The following CDIN1 variants were observed in gnomAD, a reference collection of about 807,000 sequenced individuals.
CDIN1 encodes CDAN1 interacting nuclease 1, also known as CDAN1-interacting nuclease 1.
Under a neutral mutation model 45.3 loss-of-function variants are expected in CDIN1, and 33 were observed. The ratio of observed to expected loss-of-function variants is 0.73; its 90% CI spans 0.55 to 0.97. The LOEUF is 0.97. Ranked by LOEUF, CDIN1 falls within the 50% of genes least tolerant of loss-of-function variation. CDIN1 has a pLI of 0.00. For synonymous variants in CDIN1, 118 were observed against 124.4 expected (o/e 0.95, Z 0.34); for missense variants, 303 against 339.4 (o/e 0.89, Z 0.84).
intron 1 of CDIN1, among the ~76,000 whole-genome samples, chr15:36,611,456 C>T (rs1454173754): frequency 6.6e-6 from 1 of 152,148 alleles, no homozygotes; most frequent in African/African-American, 2.4e-5. Context: ...AAATGTGTAG[C>T]TATTTAATGT....
chr15:36,636,146 TAAAAG>T (rs1319065642), intron 1 of CDIN1, among the ~76,000 whole-genome samples: 3 of 151,962 alleles, frequency 2.0e-5, no homozygotes, highest in African/African-American at 7.2e-5. Flanking sequence ...AAAGCAAAGT[TAAAAG>T]AAAATATTAA....
At chr15:36,604,159 C>T (rs1015595394) in intron 1 of CDIN1, among the ~76,000 whole-genome samples, 9 of 151,920 alleles carry the variant, frequency 5.9e-5, no homozygotes, top group African/African-American at 1.9e-4. Flanking sequence ...TTGGTTCCAC[C>T]CTGAAGAGGG....
intron 8 of CDIN1, among the ~76,000 whole-genome samples, chr15:36,701,051 C>G (rs1341531833): frequency 6.6e-6 from 1 of 151,540 alleles, no homozygotes; most frequent in East Asian, 1.9e-4. Flanking sequence ...GCTTGGGTGA[C>G]AGAGTGAGAC....
intron 10 of CDIN1, among the ~76,000 whole-genome samples, chr15:36,717,384 A>G (rs2043251351): frequency 6.6e-6 from 1 of 152,096 alleles, no homozygotes; most frequent in Non-Finnish European, 1.5e-5. Flanking sequence ...ACTGTTGATT[A>G]CTTTGCTTCT....
intron 1 of CDIN1, among the ~76,000 whole-genome samples, chr15:36,639,838 A>T (rs2040037543): frequency 1.3e-5 from 2 of 152,252 alleles, no homozygotes; most frequent in South Asian, 4.1e-4. Context: ...TTTGACCTAT[A>T]GTTATTAAGA....
intron 10 of CDIN1, among the ~76,000 whole-genome samples, chr15:36,779,506 A>G (rs1254530961): frequency 1.3e-5 from 2 of 152,208 alleles, no homozygotes; most frequent in Non-Finnish European, 2.9e-5. Context: ...CAGCTGTTCA[A>G]AATGTAGATT....
At chr15:36,651,808 AT>A (rs1246042873) in intron 3 of CDIN1, among the ~76,000 whole-genome samples, 1 of 152,192 alleles carries the variant, frequency 6.6e-6, no homozygotes, top group East Asian at 1.9e-4. Context: ...ATAATTAGGA[AT>A]TTCCACAGTA....
chr15:36,702,089 A>G (rs939670504), intron 8 of CDIN1: 4 of 702,172 alleles, frequency 5.7e-6, no homozygotes, highest in Non-Finnish European at 1.0e-5. Flanking sequence ...TGTCAGTGGC[A>G]GAGAGTAAGA....
intron 10 of CDIN1, among the ~76,000 whole-genome samples, chr15:36,748,117 A>G (rs1003354309): frequency 1.1e-4 from 16 of 152,090 alleles, no homozygotes; most frequent in African/African-American, 3.1e-4. Flanking sequence ...AAATCTCTCA[A>G]TTTCTCTCTC....
intron 1 of CDIN1, among the ~76,000 whole-genome samples, chr15:36,623,051 A>G (rs114839195): frequency 1.9e-3 from 292 of 152,366 alleles, no homozygotes; most frequent in African/African-American, 5.9e-3. Flanking sequence ...CTGTGGTTCT[A>G]TAAAATTTTG....
chr15:36,731,997 A>G (rs1050468794), intron 10 of CDIN1, among the ~76,000 whole-genome samples: 1 of 152,202 alleles, frequency 6.6e-6, no homozygotes, highest in African/African-American at 2.4e-5. Flanking sequence ...GTTACGTCAC[A>G]GTAGTATTGT....
intron 10 of CDIN1, among the ~76,000 whole-genome samples, chr15:36,722,020 T>C (rs1397655766): frequency 1.3e-5 from 2 of 152,140 alleles, no homozygotes; most frequent in African/African-American, 4.8e-5. Context: ...CTGTTCTTCA[T>C]TGCTTGATGT....
At chr15:36,791,422 TTTAAAC>T in intron 10 of CDIN1, among the ~76,000 whole-genome samples, 2 of 152,354 alleles carry the variant, frequency 1.3e-5, no homozygotes, top group East Asian at 3.9e-4. Flanking sequence ...TTGTAACGTC[TTTAAAC>T]TTATAGTTTG....
chr15:36,700,888 A>G (rs1055425274), intron 8 of CDIN1, among the ~76,000 whole-genome samples: 2 of 151,904 alleles, frequency 1.3e-5, no homozygotes, highest in African/African-American at 4.8e-5. Context: ...AGCCTGGGCA[A>G]TATAGGGAGA....
At chr15:36,661,737 T>C (rs1384575171) in intron 5 of CDIN1, among the ~76,000 whole-genome samples, 1 of 152,178 alleles carries the variant, frequency 6.6e-6, no homozygotes, top group Non-Finnish European at 1.5e-5. Context: ...ATGTTAAATG[T>C]GTGAGTGAGT....
intron 5 of CDIN1, among the ~76,000 whole-genome samples, chr15:36,661,262 C>T (rs188428649): frequency 7.9e-4 from 121 of 152,252 alleles, no homozygotes; most frequent in Non-Finnish European, 1.5e-3. Flanking sequence ...ACATCACAGA[C>T]CTGGGTAAAA....
At chr15:36,718,812 C>CTTTTTTG (rs2043302798) in intron 10 of CDIN1, among the ~76,000 whole-genome samples, 1 of 96,626 alleles carries the variant, frequency 1.0e-5, no homozygotes, top group Non-Finnish European at 2.0e-5. Context: ...AATTTGTATG[C>CTTTTTTG]TTTTTTTTTT....
At chr15:36,797,432 C>T (rs1016987592) in intron 10 of CDIN1, among the ~76,000 whole-genome samples, 1 of 152,166 alleles carries the variant, frequency 6.6e-6, no homozygotes, top group Non-Finnish European at 1.5e-5. Context: ...AATTGGCTCC[C>T]AAGTGCAGTC....
chr15:36,603,820 C>T (rs964287377), intron 1 of CDIN1, among the ~76,000 whole-genome samples: 12 of 152,148 alleles, frequency 7.9e-5, no homozygotes, highest in Non-Finnish European at 4.4e-5. Flanking sequence ...TTATTTAGCA[C>T]AGTTTCTGTG....
Sources: allele counts gnomAD v4.1 joint callset (sites outside exome capture counted in the v4.1 genomes callset), GRCh38; gene constraint gnomAD v4.1.1; transcripts MANE v1.5; gene names NCBI Gene and HGNC (gene_info 2026-07-23, HGNC 2026-07-21).